The following SAP130 variants were observed in gnomAD, a reference collection of about 807,000 sequenced individuals.
SAP130 encodes Sin3A associated protein 130.
In SAP130, 16 loss-of-function variants were observed where a neutral mutation model predicts 103.2. That is an observed-to-expected ratio of 0.16 (90% confidence interval 0.10 to 0.24). The LOEUF (loss-of-function observed/expected upper bound fraction) is 0.24, where lower values mean the gene tolerates loss of function less well. Ranked by LOEUF, SAP130 falls within the 10% of genes least tolerant of loss-of-function variation. SAP130 has a pLI of 1.00. For missense variants in SAP130, 990 were observed against 1,359.7 expected, an observed-to-expected ratio of 0.73 and a Z score of 4.28; for synonymous variants, 477 against 497.0, an observed-to-expected ratio of 0.96 and a Z score of 0.53.
chr2:128,020,271 T>G (rs573318239), intron 2 of SAP130, among the ~76,000 whole-genome samples: 2 of 152,230 alleles, frequency 1.3e-5, no homozygotes, highest in African/African-American at 4.8e-5. Context: ...CAGCTCAAGA[T>G]AGAAAACATT....
intron 18 of SAP130, among the ~76,000 whole-genome samples, chr2:127,948,543 T>C (rs1233394117): frequency 6.6e-6 from 1 of 151,972 alleles, no homozygotes; most frequent in African/African-American, 2.4e-5. Flanking sequence ...GGTTTTACCA[T>C]GTTGGCCAGG....
At chr2:127,954,083 C>T (rs1216180086) in intron 16 of SAP130, among the ~76,000 whole-genome samples, 1 of 152,016 alleles carries the variant, frequency 6.6e-6, no homozygotes. Context: ...AGGGAACCAG[C>T]GAAAAAGAGC....
At chr2:127,998,289 C>T (rs1469908027) in intron 10 of SAP130, among the ~76,000 whole-genome samples, 3 of 152,024 alleles carry the variant, frequency 2.0e-5, no homozygotes, top group Non-Finnish European at 2.9e-5. Flanking sequence ...CATATGTTGA[C>T]CAGAACATGA....
intron 15 of SAP130, among the ~76,000 whole-genome samples, chr2:127,968,572 G>C (rs1385068136): frequency 3.3e-5 from 5 of 151,856 alleles, no homozygotes; most frequent in African/African-American, 9.7e-5. Context: ...GCCCAGGCTG[G>C]AGTGCAGTGG....
chr2:128,005,540 G>A (rs563515164), intron 7 of SAP130, among the ~76,000 whole-genome samples: 86 of 151,948 alleles, frequency 5.7e-4, no homozygotes, highest in African/African-American at 2.0e-3. Flanking sequence ...GCTTGAACCC[G>A]GGGGGTGGAG....
At chr2:127,976,631 G>A (rs2948066) in intron 15 of SAP130, among the ~76,000 whole-genome samples, 63,356 of 152,230 alleles carry the variant, frequency 0.42, 15,290 homozygotes, top group East Asian at 0.61. Context: ...ATCAACTGGG[G>A]CCGGGCACGG....
Position 127,942,760 on chromosome 2 carries a change from G to A in SAP130, c.2902-223C>T, listed in dbSNP as rs546093257. ...TCCCAGCACTTTGGGAGGTCGAGGC[G>A]GGTGGATCACCTGAGGTCCAGAGTT... is the stretch of plus-strand genomic sequence containing the variant. On this transcript the variant is annotated intron_variant, in intron 19 of 20. Transcript: ENST00000643581. The surrounding 1 kb of genome is among the most constrained non-coding windows in gnomAD (Gnocchi z 4.8). Among the ~76,000 whole-genome samples the A allele has an allele frequency of 5.9e-5, 9 of 152,212 alleles. No individual in the cohort carries two copies. The highest frequency in any genetic ancestry group is 1.2e-4 in the Non-Finnish European group (8 of 68,010).
intron 14 of SAP130, 94 bp from the exon 15 acceptor site, chr2:127,978,183 A>C: frequency 1.1e-6 from 1 of 871,008 alleles, no homozygotes; most frequent in Non-Finnish European, 1.9e-6. Context: ...CATACCTAGG[A>C]CAAAATAAAG....
intron 11 of SAP130, among the ~76,000 whole-genome samples, chr2:127,995,671 T>C (rs994797428): frequency 6.6e-6 from 1 of 152,220 alleles, no homozygotes; most frequent in African/African-American, 2.4e-5. Context: ...ATTGAATGAA[T>C]GTTTACTGGA....
intron 10 of SAP130, 111 bp downstream of exon 10, chr2:127,999,630 A>G: frequency 1.9e-6 from 1 of 529,614 alleles, no homozygotes. Flanking sequence ...AAAAAAAAAA[A>G]GAGGAAATCA....
chr2:127,999,975 G>T, intron 9 of SAP130, 81 bp downstream of exon 9: 1 of 1,479,636 alleles, frequency 6.8e-7, no homozygotes, highest in Non-Finnish European at 9.4e-7. Context: ...TTCTCTGACT[G>T]AAGGTGAGAA....
intron 19 of SAP130, among the ~76,000 whole-genome samples, chr2:127,943,681 A>G (rs1678865143): frequency 6.6e-6 from 1 of 152,234 alleles, no homozygotes; most frequent in Non-Finnish European, 1.5e-5. Context: ...TAAAAATGGT[A>G]AAGAGCACTT....
At position 128,004,913 on chromosome 2, in the gene SAP130, G is replaced by T. The variant is rs547916455; in HGVS notation, c.870-4459C>A. 8.0e-4 allele frequency among the ~76,000 whole-genome samples: 122 copies of T among 152,076 alleles called. 2 individuals carry two copies. Among genetic ancestry groups the T allele is most frequent in the South Asian group, 3.5e-3 (17 of 4,808 alleles). On this transcript the variant is annotated intron_variant, in intron 7 of 20. Transcript: ENST00000643581. The stretch of plus-strand genomic sequence containing the variant: ...TACAATAAGAACCAATTACAAATGG[G>T]GATCCAGAATAAAGCCAATCCAATC...
intron 2 of SAP130, among the ~76,000 whole-genome samples, chr2:128,023,917 GAAT>G (rs1245053563): frequency 1.5e-5 from 2 of 135,430 alleles, no homozygotes; most frequent in Non-Finnish European, 3.1e-5. Flanking sequence ...TTATTCTAGA[GAAT>G]AATAATATTC....
chr2:127,949,595 A>G lies in SAP130; in HGVS notation c.2797+274T>C, dbSNP rs571829478. On this transcript the variant is annotated intron_variant, in intron 18 of 20. Transcript: ENST00000643581. ...AGGTATCCTCTATCAGTACTTTGGG[A>G]GCTGTTAACATGTGGGTTTTACAAA... Among the ~76,000 whole-genome samples the G allele has an allele frequency of 2.1e-3, 324 of 152,278 alleles. 2 individuals carry two copies. The highest frequency in any genetic ancestry group is 3.5e-3 in the Non-Finnish European group (239 of 68,016).
chr2:128,027,353 A>T, intron 1 of SAP130: 1 of 1,133,080 alleles, frequency 8.8e-7, no homozygotes, highest in Non-Finnish European at 1.1e-6. Context: ...CCGACGCGTC[A>T]GTGGAGGCCC....
At chr2:128,002,399 C>T (rs1388952523) in intron 7 of SAP130, among the ~76,000 whole-genome samples, 1 of 151,892 alleles carries the variant, frequency 6.6e-6, no homozygotes, top group East Asian at 1.9e-4. Context: ...TGCGGTGGTA[C>T]GTGCCTGTAG....
Position 127,993,241 on chromosome 2 carries a change from C to A in SAP130, c.1423G>T (p.Ala475Ser), listed in dbSNP as rs769415349. Residue 475 changes from alanine to serine, a missense_variant, in exon 12 of 21, where the codon GCA becomes TCA. Ala to Ser is a moderately conservative substitution (Grantham distance 99). This residue lies in a region of SAP130 where 336 missense variants were observed against 520.1 expected (regional missense o/e 0.65). Transcript: ENST00000643581. ...TYPPSAYPLAAHTYTPITSSV... is the reference protein window; with the variant it reads ...TYPPSAYPLASHTYTPITSSV... ...CTGGTGATTGGGGTGTAGGTATGTG[C>A]CGCCAGTGGGTATGCAGAAGGGGGG... 6.2e-7 allele frequency: 1 copy of A among 1,613,708 alleles called. No individual in the cohort carries two copies. The highest frequency in any genetic ancestry group is 1.3e-5 in the African/African-American group (1 of 74,844).
rs927131212 is a variant in SAP130 at position 128,017,903 on chromosome 2, G to C, written c.125C>G (p.Ser42Cys). The change falls in exon 3 of 21, where the codon TCT becomes TGT. Residue 42 changes from serine to cysteine, a missense_variant. By Grantham distance (112) the Ser-to-Cys change is moderately radical (BLOSUM62 -1). This residue lies in a region of SAP130 where 167 missense variants were observed against 187.4 expected (regional missense o/e 0.89). Transcript: ENST00000643581. ...GGCACTGACTTCAGAATCTCGACCA[G>C]ATTCATCATTGACTAGTAAAGACAT... ...INPAATVNDE[S>C]GRDSEVSARE... The C allele has an allele frequency of 1.9e-6, 3 of 1,613,902 alleles. No homozygotes were observed. Among genetic ancestry groups the C allele is most frequent in the African/African-American group, 1.3e-5 (1 of 74,932 alleles).
Sources: gnomAD v4.1 joint callset for allele counts (sites outside exome capture counted in the v4.1 genomes callset) on GRCh38, gnomAD v4.1.1 for gene constraint, gnomAD v4.1.1 regional missense constraint, Gnocchi (gnomAD v3.1) non-coding constraint, MANE v1.5 for transcripts, NCBI Gene and HGNC (gene_info 2026-07-23, HGNC 2026-07-21) for gene names.